The following PRAMEF20 variants were observed in gnomAD, a reference collection of about 807,000 sequenced individuals.
The protein encoded by PRAMEF20 is PRAME family member 20.
PRAMEF20 carries 27 observed loss-of-function variants against 32.4 expected under a neutral mutation model. The ratio of observed to expected loss-of-function variants is 0.83; its 90% CI spans 0.61 to 1.15. The LOEUF is 1.15. PRAMEF20 is among the 50% of genes most tolerant of loss of function. The pLI is 0.00. For synonymous variants in PRAMEF20, 256 were observed against 235.4 expected (o/e 1.09, Z -0.80); for missense variants, 604 against 584.5 (o/e 1.03, Z -0.34).
intron 1 of PRAMEF20, among the ~76,000 whole-genome samples, chr1:13,417,192 T>C (rs1042636784): frequency 6.6e-6 from 1 of 152,122 alleles, no homozygotes; most frequent in Non-Finnish European, 1.5e-5. Context: ...CGCTGCTGAC[T>C]GGGGTGGCCA....
intron 2 of PRAMEF20, among the ~76,000 whole-genome samples, chr1:13,419,290 A>G (rs2100437632): frequency 6.6e-6 from 1 of 152,062 alleles, no homozygotes; most frequent in South Asian, 2.1e-4. Flanking sequence ...AGTAGCTGGG[A>G]TTACAGGCAC....
At chr1:13,411,027 TTTG>T in the PRAMEF20 span, among the ~76,000 whole-genome samples, 9 of 152,036 alleles carry the variant, frequency 5.9e-5, 1 homozygote, top group Non-Finnish European at 1.3e-4. Flanking sequence ...CTGGCTAATT[TTTG>T]TATTTTTAGT....
chr1:13,418,830 T>G, intron 2 of PRAMEF20, 130 bp downstream of exon 3: 1 of 1,516,332 alleles, frequency 6.6e-7, no homozygotes, highest in Non-Finnish European at 8.9e-7. Context: ...TGCATTTTCC[T>G]GTTGGAAGTG....
upstream of PRAMEF20, among the ~76,000 whole-genome samples, chr1:13,415,650 C>T (rs1263569575): frequency 4.0e-5 from 6 of 151,880 alleles, no homozygotes; most frequent in Middle Eastern, 3.2e-3. Context: ...GTTAGCTGGG[C>T]ATGGTGATGC....
chr1:13,421,288 ACT>A, exon 3 of PRAMEF20: 1 of 1,611,728 alleles, frequency 6.2e-7, no homozygotes, highest in Non-Finnish European at 8.5e-7. Context: ...GATATATCAA[ACT>A]CTTTTTTCTG....
exon 3 of PRAMEF20, chr1:13,420,697 C>A: frequency 6.2e-7 from 1 of 1,613,918 alleles, no homozygotes; most frequent in Non-Finnish European, 8.5e-7. Flanking sequence ...CTCTCCCCAG[C>A]TGTCTAAAGA....
chr1:13,415,498 G>T (rs1641159605), upstream of PRAMEF20, among the ~76,000 whole-genome samples: 2 of 152,144 alleles, frequency 1.3e-5, no homozygotes, highest in Non-Finnish European at 2.9e-5. Flanking sequence ...TTTAAATAAT[G>T]AGGCCGGAGC....
chr1:13,419,583 G>A (rs1406261004), intron 2 of PRAMEF20, among the ~76,000 whole-genome samples: 2 of 151,694 alleles, frequency 1.3e-5, no homozygotes, highest in African/African-American at 4.9e-5. Context: ...CACCACGCCC[G>A]GCTAATTTTT....
At chr1:13,416,429 C>G (rs201477834) in exon 1 of PRAMEF20, 7 of 1,613,894 alleles carry the variant, frequency 4.3e-6, no homozygotes, top group Middle Eastern at 1.7e-4. Flanking sequence ...CCTTGGCCAT[C>G]TCCACCCTGG....
chr1:13,415,961 A>G (rs1330342093), upstream of PRAMEF20, among the ~76,000 whole-genome samples: 2 of 152,242 alleles, frequency 1.3e-5, no homozygotes, highest in African/African-American at 4.8e-5. Context: ...TATTTGCAGG[A>G]ACTGAGAATG....
At chr1:13,418,578 C>G in exon 2 of PRAMEF20, 3 of 1,613,134 alleles carry the variant, frequency 1.9e-6, no homozygotes, top group Non-Finnish European at 2.5e-6. Context: ...GCTACATTTC[C>G]CCAGAGCAGA....
the PRAMEF20 span, among the ~76,000 whole-genome samples, chr1:13,411,276 C>G: frequency 6.6e-6 from 1 of 152,172 alleles, no homozygotes; most frequent in Non-Finnish European, 1.5e-5. Flanking sequence ...CTGCAATGAG[C>G]CGTGCTCACA....
chr1:13,417,602 CAA>C (rs573298826), intron 1 of PRAMEF20, among the ~76,000 whole-genome samples: 1 of 123,718 alleles, frequency 8.1e-6, no homozygotes, highest in Admixed American at 8.3e-5. Context: ...GACTCTGTCT[CAA>C]AAAAAAAAAA....
At position 13,421,096 on chromosome 1, in the gene PRAMEF20, TG is replaced by T; in HGVS notation, c.1268del (p.Gly423ValfsTer15). The T allele has an allele frequency of 6.2e-7, 1 of 1,613,832 alleles. No individual in the cohort carries two copies. The highest frequency in any genetic ancestry group is 8.5e-7 in the Non-Finnish European group (1 of 1,179,840). On this transcript the variant is annotated frameshift_variant, in exon 3 of 3. Coordinates refer to ENST00000602960, the Ensembl canonical transcript of PRAMEF20. LOFTEE classifies it high-confidence loss of function. ...CCCCGCGGGAGAGTTATGATGTTCG[TG>T]GTATCGTCTGCCGGAGCAGATTTGC...
chr1:13,420,598 G>T, intron 2 of PRAMEF20, 99 bp from the exon 4 acceptor site: 1 of 1,548,456 alleles, frequency 6.5e-7, no homozygotes, highest in Non-Finnish European at 8.9e-7. Context: ...CCTGGGCTTG[G>T]GCAAAATGGT....
chr1:13,416,990 T>C (rs1402115472), intron 1 of PRAMEF20, among the ~76,000 whole-genome samples: 1 of 152,074 alleles, frequency 6.6e-6, no homozygotes, highest in African/African-American at 2.4e-5. Flanking sequence ...TGGCCAACAT[T>C]GTGTCCAGAA....
At chr1:13,416,201 G>C (rs1641167303), upstream of PRAMEF20, 52 of 1,440,694 alleles carry the variant, frequency 3.6e-5, no homozygotes, top group South Asian at 5.2e-4. Context: ...TGGCCACTGA[G>C]TACAGAGTAG....
chr1:13,412,614 C>T (rs937278976), upstream of PRAMEF20, among the ~76,000 whole-genome samples: 175 of 152,208 alleles, frequency 1.1e-3, 3 homozygotes, highest in Admixed American at 0.011. Context: ...CTCAGCCCCA[C>T]CCTGCCCGGC....
chr1:13,420,413 TGG>T lies in PRAMEF20; in HGVS notation c.867-283_867-282del, dbSNP rs1641229803. ...TTTAGTAGACAGGGTTTTGCCATGT[TGG>T]CCAGGCTGGTCTCAAACTCCTGACC... On this transcript the variant is annotated intron_variant, in intron 2 of 2. Transcript: ENST00000602960. Among the ~76,000 whole-genome samples the T allele has an allele frequency of 7.2e-5, 11 of 152,294 alleles. No individual in the cohort carries two copies. The South Asian group carries it at 2.3e-3, about 32-fold the overall frequency.
Sources: gnomAD v4.1 joint callset for allele counts (sites outside exome capture counted in the v4.1 genomes callset) on GRCh38, gnomAD v4.1.1 for gene constraint, MANE v1.5 for transcripts, NCBI Gene and HGNC (gene_info 2026-07-23, HGNC 2026-07-21) for gene names.